The following FAR2 variants were observed in gnomAD, a reference collection of about 807,000 sequenced individuals.
FAR2 encodes epididymis secretory protein Li 81.
A neutral mutation model predicts 56.0 loss-of-function variants in FAR2; 19 were observed. That is an observed-to-expected ratio of 0.34 (90% CI 0.24 to 0.50). The LOEUF is 0.50. Ranked by LOEUF, FAR2 falls within the 20% of genes least tolerant of loss-of-function variation. FAR2 has a pLI of 0.98. For missense variants in FAR2, 508 were observed against 642.2 expected (o/e 0.79, Z 2.26); for synonymous variants, 219 against 218.8 (o/e 1.00, Z -0.01).
intron 1 of FAR2, among the ~76,000 whole-genome samples, chr12:29,185,941 T>C (rs1950036371): frequency 6.6e-6 from 1 of 152,162 alleles, no homozygotes; most frequent in Admixed American, 6.5e-5. Context: ...GATACGAGAT[T>C]TTTCCATGAT....
intron 1 of FAR2, among the ~76,000 whole-genome samples, chr12:29,169,893 A>G (rs918165800): frequency 6.6e-6 from 1 of 152,130 alleles, no homozygotes; most frequent in Non-Finnish European, 1.5e-5. Context: ...ATGGCCCTGC[A>G]CTCTTGGACT....
intron 2 of FAR2, among the ~76,000 whole-genome samples, chr12:29,272,851 T>C (rs1948641103): frequency 6.6e-6 from 1 of 152,150 alleles, no homozygotes; most frequent in South Asian, 2.1e-4. Flanking sequence ...GTTCTTGATG[T>C]TGTTGTCGCT....
At chr12:29,259,987 AC>A in intron 1 of FAR2, among the ~76,000 whole-genome samples, 3 of 152,240 alleles carry the variant, frequency 2.0e-5, no homozygotes, top group Admixed American at 2.0e-4. Flanking sequence ...GGAGGCCATG[AC>A]CCAGTGAGCT....
At chr12:29,161,677 T>C (rs1228559644) in intron 1 of FAR2, among the ~76,000 whole-genome samples, 1 of 152,272 alleles carries the variant, frequency 6.6e-6, no homozygotes, top group Non-Finnish European at 1.5e-5. Context: ...AATTGCTTTA[T>C]GCAAAGAGCT....
chr12:29,175,665 G>A (rs565371355), intron 1 of FAR2, among the ~76,000 whole-genome samples: 36 of 152,298 alleles, frequency 2.4e-4, no homozygotes, highest in Admixed American at 1.6e-3. Flanking sequence ...TTTGCAGAAT[G>A]CTGATTGGTG....
Position 29,270,503 on chromosome 12 carries a change from C to T in FAR2, c.54C>T (p.Ala18=). The T allele has an allele frequency of 1.2e-6, 2 of 1,612,580 alleles. No individual in the cohort carries two copies. The highest frequency in any genetic ancestry group is 2.2e-5 in the East Asian group (1 of 44,830). ...YGGKSILITG[A]TGFLGKVLME... is the part of the protein sequence containing the mutation. ...GCAAGTCCATTCTCATCACGGGGGCCACAGGCTTTCTGGGCAAAGTGCTGA... is the reference window on the plus strand; with the variant it reads ...GCAAGTCCATTCTCATCACGGGGGCTACAGGCTTTCTGGGCAAAGTGCTGA... Residue 18 remains alanine (A), a synonymous_variant, in exon 2 of 12, where the codon GCC becomes GCT. Transcript: ENST00000536681.
intron 1 of FAR2, among the ~76,000 whole-genome samples, chr12:29,164,030 A>G (rs1949804161): frequency 6.6e-6 from 1 of 152,222 alleles, no homozygotes; most frequent in African/African-American, 2.4e-5. Flanking sequence ...GTTTGACCTA[A>G]TAATAGATAC....
chr12:29,155,324 T>C (rs910466092), intron 1 of FAR2, among the ~76,000 whole-genome samples: 5 of 152,220 alleles, frequency 3.3e-5, no homozygotes, highest in Admixed American at 1.3e-4. Context: ...TGTAGGAACA[T>C]TGGTTTTTGA....
At chr12:29,320,214 C>A (rs1209574902) in intron 9 of FAR2, among the ~76,000 whole-genome samples, 1 of 152,052 alleles carries the variant, frequency 6.6e-6, no homozygotes, top group African/African-American at 2.4e-5. Context: ...CTCAGACAAA[C>A]AATAAAGACC....
chr12:29,186,463 CCT>C (rs142241097), intron 1 of FAR2, among the ~76,000 whole-genome samples: 12,824 of 152,204 alleles, frequency 0.084, 698 homozygotes, highest in Non-Finnish European at 0.13. Context: ...TATTTTGTCT[CCT>C]CTGATCTTTT....
intron 1 of FAR2, among the ~76,000 whole-genome samples, chr12:29,208,366 C>T (rs1947500894): frequency 6.6e-6 from 1 of 152,182 alleles, no homozygotes. Flanking sequence ...GCAGCCCAGA[C>T]TGTGGTGAGG....
At position 29,256,268 on chromosome 12, in the gene FAR2, G is replaced by A. The variant is rs1234442936; in HGVS notation, c.-38-14144G>A. Among the ~76,000 whole-genome samples the A allele has an allele frequency of 2.6e-5, 4 of 152,096 alleles. 1 individual carries two copies. Among genetic ancestry groups the A allele is most frequent in the African/African-American group, 9.7e-5 (4 of 41,412 alleles). On this transcript the variant is annotated intron_variant, in intron 1 of 11. Transcript: ENST00000536681. ...AGTGGCGCCATCATAGCTCACTGCA[G>A]CCTTGAACTCCTGGGCCCAAGGAAT...
chr12:29,209,228 C>T (rs1322653825), intron 1 of FAR2, among the ~76,000 whole-genome samples: 2 of 152,062 alleles, frequency 1.3e-5, no homozygotes, highest in Non-Finnish European at 2.9e-5. Context: ...AATGCTGTCC[C>T]CTGGCATCAG....
intron 1 of FAR2, among the ~76,000 whole-genome samples, chr12:29,246,203 G>A (rs962731735): frequency 6.6e-6 from 1 of 151,726 alleles, no homozygotes; most frequent in Non-Finnish European, 1.5e-5. Context: ...TCATTGGTAT[G>A]CTATTCTATT....
At chr12:29,196,327 T>C (rs1950143367) in intron 1 of FAR2, among the ~76,000 whole-genome samples, 1 of 152,186 alleles carries the variant, frequency 6.6e-6, no homozygotes, top group African/African-American at 2.4e-5. Context: ...CATTCTCTTT[T>C]CTCTGCATCC....
intron 9 of FAR2, among the ~76,000 whole-genome samples, chr12:29,321,024 C>A (rs1949542217): frequency 6.6e-6 from 1 of 151,904 alleles, no homozygotes; most frequent in Non-Finnish European, 1.5e-5. Context: ...TCAAAATTAG[C>A]AGAGAGAATA....
chr12:29,265,425 G>T (rs543663886), intron 1 of FAR2, among the ~76,000 whole-genome samples: 1 of 152,302 alleles, frequency 6.6e-6, no homozygotes, highest in African/African-American at 2.4e-5. Context: ...ATACATTGGG[G>T]AAAGGACAAT....
chr12:29,190,379 C>T (rs7969058), intron 1 of FAR2, among the ~76,000 whole-genome samples: 140,401 of 151,810 alleles, frequency 0.92, 65,864 homozygotes, highest in East Asian at 1. Context: ...CATTTAGAGG[C>T]TGAGCAGAGG....
intron 3 of FAR2, among the ~76,000 whole-genome samples, chr12:29,296,108 T>C (rs909661802): frequency 2.0e-5 from 3 of 152,266 alleles, no homozygotes; most frequent in East Asian, 3.8e-4. Context: ...TACTGAATTA[T>C]AGTACATTTC....
Sources: gnomAD v4.1 joint callset for allele counts (sites outside exome capture counted in the v4.1 genomes callset) on GRCh38, gnomAD v4.1.1 for gene constraint, MANE v1.5 for transcripts, NCBI Gene and HGNC (gene_info 2026-07-23, HGNC 2026-07-21) for gene names.